Variants in HS3ST4 observed in about 807,000 individuals in gnomAD.
HS3ST4 encodes the protein heparan sulfate glucosamine 3-O-sulfotransferase 4.
HS3ST4 carries 17 observed loss-of-function variants against 29.2 expected under a neutral mutation model. The observed-to-expected ratio is 0.58, with a 90% CI of 0.40 to 0.87. The LOEUF (loss-of-function observed/expected upper bound fraction) is 0.87, where lower values mean the gene tolerates loss of function less well. Among genes scored for constraint, HS3ST4 ranks in the 40% least tolerant of loss-of-function variants. The pLI, the probability that HS3ST4 is intolerant of heterozygous loss-of-function variation, is 0.00. For synonymous variants in HS3ST4, 314 were observed against 285.7 expected (o/e 1.10, Z -1.00); for missense variants, 627 against 634.5 (o/e 0.99, Z 0.13).
intron 1 of HS3ST4, among the ~76,000 whole-genome samples, chr16:25,827,600 T>C (rs1215717314): frequency 2.7e-5 from 4 of 150,810 alleles, no homozygotes; most frequent in African/African-American, 9.7e-5. Flanking sequence ...TTTACTGAAG[T>C]AATCATTTGG....
chr16:25,845,544 G>A (rs183788850), intron 1 of HS3ST4, among the ~76,000 whole-genome samples: 26 of 151,952 alleles, frequency 1.7e-4, no homozygotes, highest in African/African-American at 5.5e-4. Context: ...TCTAAGAAGA[G>A]GAAATGCTGG....
intron 1 of HS3ST4, among the ~76,000 whole-genome samples, chr16:25,894,921 C>G (rs748661192): frequency 2.0e-5 from 3 of 152,208 alleles, no homozygotes; most frequent in Non-Finnish European, 2.9e-5. Context: ...ATTCAGCAAA[C>G]ACTTATTGAG....
At chr16:25,790,401 G>A (rs1471731643) in intron 1 of HS3ST4, among the ~76,000 whole-genome samples, 4 of 152,048 alleles carry the variant, frequency 2.6e-5, no homozygotes, top group East Asian at 1.9e-4. Context: ...AGAGTGAGAC[G>A]CTGTCTCAAA....
intron 1 of HS3ST4, among the ~76,000 whole-genome samples, chr16:25,773,086 C>G (rs140034860): frequency 6.6e-6 from 1 of 152,192 alleles, no homozygotes; most frequent in African/African-American, 2.4e-5. Context: ...ACATACCGTA[C>G]TTATATACAT....
At chr16:26,034,926 T>G (rs1969569459) in intron 1 of HS3ST4, among the ~76,000 whole-genome samples, 1 of 152,116 alleles carries the variant, frequency 6.6e-6, no homozygotes, top group Non-Finnish European at 1.5e-5. Context: ...GATCTTGCAG[T>G]GAGCCATGAT....
intron 1 of HS3ST4, among the ~76,000 whole-genome samples, chr16:25,864,393 GT>G (rs376672538): frequency 0.014 from 2,013 of 147,560 alleles, 55 homozygotes; most frequent in African/African-American, 0.05. Flanking sequence ...AAGTAATTGT[GT>G]TTTTTTTTGC....
chr16:25,758,813 G>A (rs183296520), intron 1 of HS3ST4, among the ~76,000 whole-genome samples: 87 of 151,804 alleles, frequency 5.7e-4, no homozygotes, highest in African/African-American at 1.4e-3. Flanking sequence ...AAAATTAGCC[G>A]GGCGTGGTGG....
chr16:26,066,547 TC>T (rs1898544664), intron 1 of HS3ST4, among the ~76,000 whole-genome samples: 1 of 152,198 alleles, frequency 6.6e-6, no homozygotes, highest in Non-Finnish European at 1.5e-5. Context: ...TCTCTTCTTT[TC>T]TTCCTCTTTC....
chr16:26,049,080 G>A (rs1252926395), intron 1 of HS3ST4, among the ~76,000 whole-genome samples: 3 of 151,880 alleles, frequency 2.0e-5, no homozygotes, highest in African/African-American at 7.3e-5. Context: ...CCTTTTATTT[G>A]TGGCAAATGA....
chr16:25,721,943 G>A (rs149286230), intron 1 of HS3ST4, among the ~76,000 whole-genome samples: 93 of 152,268 alleles, frequency 6.1e-4, no homozygotes, highest in African/African-American at 2.2e-3. Context: ...CAAGGAAGAC[G>A]TAGAAGATGT....
chr16:26,125,664 GCCTTCTATGTCCTTAGTCCA>G (rs907591544), intron 1 of HS3ST4, among the ~76,000 whole-genome samples: 6 of 152,206 alleles, frequency 3.9e-5, no homozygotes, highest in Non-Finnish European at 8.8e-5. Flanking sequence ...TCTACATCAA[GCCTTCTATGTCCTTAGTCCA>G]CCTTCTATGT....
chr16:25,817,092 C>G (rs570109665), intron 1 of HS3ST4, among the ~76,000 whole-genome samples: 14 of 152,218 alleles, frequency 9.2e-5, no homozygotes, highest in African/African-American at 3.1e-4. Flanking sequence ...TTCAAAGCTG[C>G]AGTTTGAGTC....
intron 1 of HS3ST4, among the ~76,000 whole-genome samples, chr16:26,018,848 T>A (rs1194781729): frequency 4.8e-5 from 7 of 145,464 alleles, no homozygotes; most frequent in Admixed American, 6.8e-5. Context: ...AAAAAAAAAA[T>A]CACTACCAAA....
chr16:26,057,354 T>C (rs1185436566), intron 1 of HS3ST4, among the ~76,000 whole-genome samples: 1 of 152,196 alleles, frequency 6.6e-6, no homozygotes. Flanking sequence ...TTGCTTCTCT[T>C]GCCCAGGGTA....
intron 1 of HS3ST4, among the ~76,000 whole-genome samples, chr16:25,889,378 G>T (rs548376028): frequency 6.6e-6 from 1 of 152,134 alleles, no homozygotes; most frequent in East Asian, 1.9e-4. Context: ...ACTTCCCATC[G>T]CCAGACTTGC....
rs1567249501 is a variant in HS3ST4 at position 25,828,297 on chromosome 16, T to TC, written c.734+135146_734+135147insC. 3.6e-3 allele frequency among the ~76,000 whole-genome samples: 252 copies of TC among 69,478 alleles called. 8 individuals carry two copies. The highest frequency in any genetic ancestry group is 5.1e-3 in the Non-Finnish European group (186 of 36,144). 45.6% of individuals were successfully genotyped at this position (69,478 alleles called of 152,430 possible). ...CTTTCTTTCTTTCTTTCTTTCTTTC[T>TC]TTCCCTCTCTCTCTCTCTCTCTCTC... On this transcript the variant is annotated intron_variant, in intron 1 of 1. Transcript: ENST00000331351.
chr16:26,023,948 G>T (rs769661701), intron 1 of HS3ST4, among the ~76,000 whole-genome samples: 19 of 152,158 alleles, frequency 1.2e-4, no homozygotes, highest in Non-Finnish European at 2.4e-4. Flanking sequence ...AATGTCAATG[G>T]GTGCGGTGGC....
chr16:25,718,501 GGAGAGA>G (rs35246974), intron 1 of HS3ST4, among the ~76,000 whole-genome samples: 2 of 150,918 alleles, frequency 1.3e-5, no homozygotes, highest in African/African-American at 2.4e-5. Flanking sequence ...AGCAGAAATG[GGAGAGA>G]GAGAGAGAGA....
At chr16:25,705,261 C>T (rs1463791242) in intron 1 of HS3ST4, among the ~76,000 whole-genome samples, 1 of 152,170 alleles carries the variant, frequency 6.6e-6, no homozygotes, top group South Asian at 2.1e-4. Flanking sequence ...AAAGCTTCTG[C>T]AGAGGGTTAG....
Sources: gnomAD v4.1 joint callset for allele counts (sites outside exome capture counted in the v4.1 genomes callset) on GRCh38, gnomAD v4.1.1 for gene constraint, MANE v1.5 for transcripts, NCBI Gene and HGNC (gene_info 2026-07-23, HGNC 2026-07-21) for gene names.